Variants in CORO2B observed in about 807,000 individuals in gnomAD.
CORO2B encodes the protein coronin-2B.
CORO2B carries 26 observed loss-of-function variants against 58.8 expected under a neutral mutation model. That is an observed-to-expected ratio of 0.44 (90% CI 0.32 to 0.61). CORO2B has a LOEUF of 0.61. Among genes scored for constraint, CORO2B ranks in the 20% least tolerant of loss-of-function variants. The pLI is 0.04. For missense variants in CORO2B, 460 were observed against 645.1 expected, an observed-to-expected ratio of 0.71 and a Z score of 3.11; for synonymous variants, 242 against 253.8, an observed-to-expected ratio of 0.95 and a Z score of 0.44.
the CORO2B span, among the ~76,000 whole-genome samples, chr15:68,556,018 G>T: frequency 1.8e-4 from 28 of 152,242 alleles, no homozygotes; most frequent in Admixed American, 1.6e-3. Context: ...TTCAGAGAAA[G>T]AAGGAAGAGA....
chr15:68,621,239 C>T (rs1055870565), intron 1 of CORO2B, among the ~76,000 whole-genome samples: 15 of 152,302 alleles, frequency 9.8e-5, no homozygotes, highest in African/African-American at 2.9e-4. Context: ...AATGGAGGCA[C>T]AGACAAATCA....
At chr15:68,701,378 C>T (rs886614053) in intron 3 of CORO2B, among the ~76,000 whole-genome samples, 62 of 151,836 alleles carry the variant, frequency 4.1e-4, no homozygotes, top group African/African-American at 1.4e-3. Context: ...GTGGCGCGAT[C>T]TCCGCTCACT....
At chr15:68,688,585 A>C (rs1045676515) in intron 2 of CORO2B, among the ~76,000 whole-genome samples, 1 of 152,234 alleles carries the variant, frequency 6.6e-6, no homozygotes, top group Non-Finnish European at 1.5e-5. Flanking sequence ...CTCAAACTGT[A>C]TAGAACTTGA....
At chr15:68,565,577 C>T in the CORO2B span, among the ~76,000 whole-genome samples, 1 of 151,868 alleles carries the variant, frequency 6.6e-6, no homozygotes, top group Non-Finnish European at 1.5e-5. Context: ...TTTTCTCTGT[C>T]TGCATTTCTT....
chr15:68,671,875 C>A (rs1435707850), intron 2 of CORO2B, among the ~76,000 whole-genome samples: 1 of 152,196 alleles, frequency 6.6e-6, no homozygotes, highest in Admixed American at 6.5e-5. Context: ...GAGGGGACTA[C>A]ACAAGGCATG....
chr15:68,718,878 C>T, intron 9 of CORO2B, 68 bp downstream of exon 9: 2 of 1,360,660 alleles, frequency 1.5e-6, no homozygotes, highest in African/African-American at 1.4e-5. Context: ...CACCACTGAC[C>T]ATGACCCTGG....
Position 68,608,271 on chromosome 15 carries a change from C to T in CORO2B, c.15+28994C>T, listed in dbSNP as rs534448024. ...GGGTGGCATGATCAGGGCTTGGCCTCCTGTGGCTGGCTGCGCATGGCCAGC... is the reference window on the plus strand; with the variant it reads ...GGGTGGCATGATCAGGGCTTGGCCTTCTGTGGCTGGCTGCGCATGGCCAGC... On this transcript the variant is annotated intron_variant, in intron 1 of 11. Coordinates refer to ENST00000261861, the MANE Select transcript of CORO2B (RefSeq NM_006091.5). Among the ~76,000 whole-genome samples the T allele has an allele frequency of 2.0e-5, 3 of 152,376 alleles. No homozygotes were observed. In the East Asian group the frequency reaches 5.8e-4, roughly 29 times the overall value.
At chr15:68,592,253 T>C (rs545034685) in intron 1 of CORO2B, among the ~76,000 whole-genome samples, 49 of 152,296 alleles carry the variant, frequency 3.2e-4, no homozygotes, top group African/African-American at 1.2e-3. Flanking sequence ...TTTGTGTTCA[T>C]TGTCATACAT....
chr15:68,566,727 T>A, the CORO2B span, among the ~76,000 whole-genome samples: 1 of 152,148 alleles, frequency 6.6e-6, no homozygotes, highest in Non-Finnish European at 1.5e-5. Context: ...CAAAAAGTCA[T>A]CCTGGATGGG....
At chr15:68,523,264 G>A in the CORO2B span, among the ~76,000 whole-genome samples, 1 of 151,740 alleles carries the variant, frequency 6.6e-6, no homozygotes, top group Non-Finnish European at 1.5e-5. Context: ...GCATAATCAT[G>A]GCTCACTGCA....
intron 1 of CORO2B, among the ~76,000 whole-genome samples, chr15:68,580,763 C>T (rs999173378): frequency 6.6e-6 from 1 of 151,924 alleles, no homozygotes; most frequent in African/African-American, 2.4e-5. Context: ...ATGGATGGGC[C>T]CGGCTAGAGA....
intron 1 of CORO2B, among the ~76,000 whole-genome samples, chr15:68,608,753 CT>C (rs1406311794): frequency 6.6e-6 from 1 of 152,230 alleles, no homozygotes; most frequent in Non-Finnish European, 1.5e-5. Flanking sequence ...CCTGCCCAGA[CT>C]CCCGAATGCC....
intron 3 of CORO2B, among the ~76,000 whole-genome samples, chr15:68,697,461 G>A (rs952208142): frequency 2.0e-5 from 3 of 152,224 alleles, no homozygotes; most frequent in Non-Finnish European, 4.4e-5. Flanking sequence ...GCCTCCATCA[G>A]TTCACACGCT....
chr15:68,538,440 G>C, the CORO2B span, among the ~76,000 whole-genome samples: 2 of 152,238 alleles, frequency 1.3e-5, no homozygotes, highest in Non-Finnish European at 2.9e-5. Flanking sequence ...TCTGGCCTCA[G>C]CTGCGGAGGG....
At chr15:68,564,535 C>T in the CORO2B span, among the ~76,000 whole-genome samples, 19 of 152,282 alleles carry the variant, frequency 1.2e-4, 1 homozygote, top group Admixed American at 1.2e-3. Context: ...TGGTCTCAAA[C>T]TCCTAGGCTC....
chr15:68,554,314 T>G, the CORO2B span, among the ~76,000 whole-genome samples: 1 of 152,050 alleles, frequency 6.6e-6, no homozygotes, highest in Non-Finnish European at 1.5e-5. Context: ...GTGGAGCAGG[T>G]GGACGTAATA....
At position 68,645,417 on chromosome 15, in the gene CORO2B, T is replaced by A; in HGVS notation, c.216+57T>A. The A allele has an allele frequency of 6.5e-7, 1 of 1,546,326 alleles. No homozygotes were observed. The highest frequency in any genetic ancestry group is 1.1e-5 in the South Asian group (1 of 88,112). ...GCTCCAGGGCAGAGAGGAGCCCTCC[T>A]TGGTCTCTCTTAGGCCTGTTGACCC... On this transcript the variant is annotated intron_variant, in intron 2 of 11. Transcript: ENST00000261861. This position sits in a 1 kb window ranked among gnomAD's most constrained non-coding sequence, Gnocchi z 4.5.
At chr15:68,552,664 G>T in the CORO2B span, among the ~76,000 whole-genome samples, 3 of 152,108 alleles carry the variant, frequency 2.0e-5, no homozygotes, top group East Asian at 3.9e-4. Context: ...CCCCTATACC[G>T]TGATGAAGAC....
At position 68,645,983 on chromosome 15, in the gene CORO2B, A is replaced by G. The variant is rs1901416320; in HGVS notation, c.216+623A>G. Among the ~76,000 whole-genome samples, 1 of 152,096 alleles carries G rather than the reference A, an allele frequency of 6.6e-6. No homozygotes were observed. Among genetic ancestry groups the G allele is most frequent in the Admixed American group, 6.5e-5 (1 of 15,270 alleles). The stretch of plus-strand genomic sequence containing the variant: ...GAGATGGGGTTTCACCATGTTGGTC[A>G]GGCTGGTCTCGAAATCCTGACCTCA... On this transcript the variant is annotated intron_variant, in intron 2 of 11. Transcript: ENST00000261861. The surrounding 1 kb of genome is among the most constrained non-coding windows in gnomAD (Gnocchi z 4.5).
Sources: gnomAD v4.1 joint callset for allele counts (sites outside exome capture counted in the v4.1 genomes callset) on GRCh38, gnomAD v4.1.1 for gene constraint, Gnocchi (gnomAD v3.1) non-coding constraint, MANE v1.5 for transcripts, NCBI Gene and HGNC (gene_info 2026-07-23, HGNC 2026-07-21) for gene names.